RALY: variants seen among roughly 807,000 people sequenced by gnomAD.
RALY encodes RNA-binding protein Raly.
In RALY, 15 loss-of-function variants were observed where a neutral mutation model predicts 30.7. The observed-to-expected ratio is 0.49, with a 90% CI of 0.33 to 0.75. RALY has a LOEUF of 0.75. Ranked by LOEUF, RALY falls within the 30% of genes least tolerant of loss-of-function variation. The pLI is 0.02. For missense variants in RALY, 339 were observed against 414.3 expected, an observed-to-expected ratio of 0.82 and a Z score of 1.58; for synonymous variants, 177 against 170.8, an observed-to-expected ratio of 1.04 and a Z score of -0.28.
chr20:33,997,774 T>G (rs1241981373), intron 1 of RALY, among the ~76,000 whole-genome samples: 2 of 152,176 alleles, frequency 1.3e-5, no homozygotes, highest in African/African-American at 4.8e-5. Flanking sequence ...GGGAGTGGGC[T>G]CTTCATGTTT....
At position 34,076,815 on chromosome 20, in the gene RALY, G is replaced by C. The variant is rs2033893465; in HGVS notation, c.658G>C (p.Asp220His). 1 of 1,613,534 alleles carries C rather than the reference G, an allele frequency of 6.2e-7. No homozygotes were observed. The highest frequency in any genetic ancestry group is 1.7e-5 in the Admixed American group (1 of 59,962). Reference sequence around the variant, plus strand: ...CGCTGCGGAGCAAAAGGCCAATCCAGGTCAGCCTCTGAGGATTCTCACCCA... The same window carrying C: ...CGCTGCGGAGCAAAAGGCCAATCCACGTCAGCCTCTGAGGATTCTCACCCA... ...QIAAEQKANP[D>H]GKKKGDGGGA... The change falls in exon 7 of 10, where the codon GAT (aspartate) becomes CAT (histidine). Residue 220 changes from aspartate (D) to histidine (H), a missense_variant and splice_region_variant. Physicochemically the swap from Asp to His is moderately conservative, Grantham distance 81. Transcript: ENST00000246194.
At chr20:34,058,142 A>G (rs1178629455) in intron 2 of RALY, among the ~76,000 whole-genome samples, 13 of 152,150 alleles carry the variant, frequency 8.5e-5, no homozygotes, top group Admixed American at 8.5e-4. Flanking sequence ...GGGAAAGACC[A>G]TAGATACCAA....
chr20:34,045,163 C>T (rs1174212781), intron 2 of RALY, among the ~76,000 whole-genome samples: 1 of 152,096 alleles, frequency 6.6e-6, no homozygotes, highest in South Asian at 2.1e-4. Context: ...CCTCCTGCCT[C>T]GGAGGCCTCC....
intron 1 of RALY, among the ~76,000 whole-genome samples, chr20:34,015,595 T>A (rs1051272131): frequency 1.3e-5 from 2 of 152,266 alleles, no homozygotes; most frequent in Middle Eastern, 3.4e-3. Flanking sequence ...ACTTTTTTTT[T>A]TTTAACCTCC....
chr20:34,010,031 T>C (rs1183547609), intron 1 of RALY, among the ~76,000 whole-genome samples: 1 of 152,206 alleles, frequency 6.6e-6, no homozygotes, highest in African/African-American at 2.4e-5. Flanking sequence ...CCTTATTGGC[T>C]GATAAATCTG....
chr20:34,077,894 C>T (rs905763877), intron 8 of RALY, among the ~76,000 whole-genome samples: 1 of 152,202 alleles, frequency 6.6e-6, no homozygotes, highest in Non-Finnish European at 1.5e-5. Context: ...TATTCTGTTC[C>T]CACATTTTAC....
chr20:33,997,138 C>T (rs1221868163), intron 1 of RALY, among the ~76,000 whole-genome samples: 4 of 151,962 alleles, frequency 2.6e-5, no homozygotes, highest in Non-Finnish European at 4.4e-5. Context: ...TTTTTGGAGA[C>T]GGAGTCTCAC....
chr20:34,068,469 A>G (rs1182312120), intron 2 of RALY, among the ~76,000 whole-genome samples: 1 of 152,178 alleles, frequency 6.6e-6, no homozygotes, highest in Non-Finnish European at 1.5e-5. Context: ...GCCCACAGCT[A>G]GACCTTCTGA....
chr20:34,068,251 A>G (rs1212890561), intron 2 of RALY, among the ~76,000 whole-genome samples: 2 of 152,354 alleles, frequency 1.3e-5, no homozygotes, highest in East Asian at 1.9e-4. Flanking sequence ...GGCCCAGGGC[A>G]GGAAATAGCT....
chr20:34,069,671 G>C (rs1243606462), intron 2 of RALY, among the ~76,000 whole-genome samples: 1 of 152,198 alleles, frequency 6.6e-6, no homozygotes, highest in Non-Finnish European at 1.5e-5. Flanking sequence ...CTGTCAGCGA[G>C]AACTGTGAGG....
intron 8 of RALY, 146 bp downstream of exon 8, chr20:34,077,391 G>T (rs2033923465): frequency 6.6e-7 from 1 of 1,516,786 alleles, no homozygotes; most frequent in African/African-American, 1.4e-5. Flanking sequence ...CTGGGGGAAA[G>T]AGGGAAGAAT....
chr20:34,071,662 T>C (rs913613846), intron 2 of RALY, among the ~76,000 whole-genome samples: 13 of 152,136 alleles, frequency 8.5e-5, no homozygotes, highest in Admixed American at 8.5e-4. Flanking sequence ...TTGAAGATCT[T>C]CAAATTTAGA....
intron 2 of RALY, among the ~76,000 whole-genome samples, chr20:34,048,180 T>G (rs6120502): frequency 0.011 from 1,628 of 152,316 alleles, 33 homozygotes; most frequent in African/African-American, 0.038. Context: ...AAAGATTCAT[T>G]AGGCTCTGGA....
intron 1 of RALY, among the ~76,000 whole-genome samples, chr20:34,002,134 A>G (rs759546693): frequency 4.6e-5 from 7 of 152,172 alleles, no homozygotes; most frequent in Non-Finnish European, 1.0e-4. Flanking sequence ...GGATACCTGT[A>G]AGGTGGTACT....
At chr20:34,028,201 G>A (rs1450677696) in intron 1 of RALY, among the ~76,000 whole-genome samples, 3 of 151,712 alleles carry the variant, frequency 2.0e-5, no homozygotes, top group South Asian at 4.2e-4. Context: ...CAGGAGAATC[G>A]CTTGAAACCA....
Position 34,077,135 on chromosome 20 carries a change from C to T in RALY, c.766C>T (p.Pro256Ser). ...GGGGGGSSRP[P>S]APQENTTSEA... The stretch of plus-strand genomic sequence containing the variant: ...CGGTGGCGGTGGCAGCAGCCGGCCA[C>T]CAGCCCCCCAAGAGAACACAACTTC... The change falls in exon 8 of 10, where the codon CCA becomes TCA. Residue 256 changes from proline (P) to serine (S), a missense_variant. By Grantham distance (74) the Pro-to-Ser change is moderately conservative. This residue lies in a region of RALY where 268 missense variants were observed against 280.6 expected (regional missense o/e 0.95). Coordinates refer to ENST00000246194, the MANE Select transcript of RALY (RefSeq NM_016732.3). The T allele has an allele frequency of 6.2e-7, 1 of 1,611,380 alleles. No homozygotes were observed. Among genetic ancestry groups the T allele is most frequent in the Non-Finnish European group, 8.5e-7 (1 of 1,178,928 alleles).
intron 1 of RALY, among the ~76,000 whole-genome samples, chr20:34,030,667 C>G (rs1294162344): frequency 6.6e-6 from 1 of 152,186 alleles, no homozygotes; most frequent in African/African-American, 2.4e-5. Context: ...TGATCTTGCG[C>G]AAGTAACCTA....
intron 1 of RALY, among the ~76,000 whole-genome samples, chr20:34,013,632 C>T (rs1273367899): frequency 6.6e-6 from 1 of 152,078 alleles, no homozygotes; most frequent in Non-Finnish European, 1.5e-5. Flanking sequence ...CTGATCACTA[C>T]AGAAGCAGAA....
intron 1 of RALY, among the ~76,000 whole-genome samples, chr20:33,997,363 G>A (rs552720644): frequency 6.6e-6 from 1 of 152,276 alleles, no homozygotes; most frequent in African/African-American, 2.4e-5. Flanking sequence ...TGATCCTCCT[G>A]TCTTGGCCTT....
Sources: allele counts gnomAD v4.1 joint callset (sites outside exome capture counted in the v4.1 genomes callset), GRCh38; gene constraint gnomAD v4.1.1; regional missense constraint gnomAD v4.1.1; transcripts MANE v1.5; gene names NCBI Gene and HGNC (gene_info 2026-07-23, HGNC 2026-07-21).